Variants in TENM3 observed in about 807,000 individuals in gnomAD.
TENM3 encodes the protein teneurin-3.
Under a neutral mutation model 255.1 loss-of-function variants are expected in TENM3, and 63 were observed. That is an observed-to-expected ratio of 0.25 (90% CI 0.20 to 0.30). The LOEUF is 0.30. Among genes scored for constraint, TENM3 ranks in the 10% least tolerant of loss-of-function variants. TENM3 has a pLI of 1.00. For synonymous variants in TENM3, 1,306 were observed against 1,322.3 expected, an observed-to-expected ratio of 0.99 and a Z score of 0.27; for missense variants, 2,929 against 3,461.1, an observed-to-expected ratio of 0.85 and a Z score of 3.86.
the TENM3 span, among the ~76,000 whole-genome samples, chr4:182,001,038 A>T: frequency 6.7e-6 from 1 of 148,896 alleles, no homozygotes; most frequent in African/African-American, 2.5e-5. Flanking sequence ...CACGGAACAG[A>T]ACAAACCAGA....
chr4:181,762,728 C>G, the TENM3 span, among the ~76,000 whole-genome samples: 1 of 152,160 alleles, frequency 6.6e-6, no homozygotes, highest in Non-Finnish European at 1.5e-5. Flanking sequence ...ATCAAAACTT[C>G]TTATTTACCA....
intron 1 of TENM3, among the ~76,000 whole-genome samples, chr4:182,214,116 TC>T (rs374759238): frequency 4.7e-4 from 71 of 152,284 alleles, no homozygotes; most frequent in African/African-American, 1.6e-3. Flanking sequence ...ATGCAGCTTT[TC>T]TTAAATGAGA....
At chr4:182,002,875 T>A in the TENM3 span, among the ~76,000 whole-genome samples, 1 of 152,096 alleles carries the variant, frequency 6.6e-6, no homozygotes, top group African/African-American at 2.4e-5. Context: ...TACCTTTACC[T>A]TATGTCCTAA....
chr4:182,284,002 G>A (rs1024540991), intron 1 of TENM3, among the ~76,000 whole-genome samples: 1 of 151,918 alleles, frequency 6.6e-6, no homozygotes, highest in South Asian at 2.1e-4. Context: ...GCTACTTTGT[G>A]GTATAATTTT....
At chr4:182,277,245 G>A (rs907260993) in intron 1 of TENM3, among the ~76,000 whole-genome samples, 2 of 152,092 alleles carry the variant, frequency 1.3e-5, no homozygotes, top group African/African-American at 4.8e-5. Context: ...TGCCAGATTA[G>A]ATAGCAATGT....
chr4:181,879,919 TAAAAA>T, the TENM3 span, among the ~76,000 whole-genome samples: 1 of 152,210 alleles, frequency 6.6e-6, no homozygotes, highest in Non-Finnish European at 1.5e-5. Context: ...GATTGGATTT[TAAAAA>T]TAAAATAAGT....
At chr4:181,865,475 T>C in the TENM3 span, among the ~76,000 whole-genome samples, 2 of 152,024 alleles carry the variant, frequency 1.3e-5, no homozygotes, top group African/African-American at 4.8e-5. Flanking sequence ...AGTTTTCTGC[T>C]AAAAAGTTCT....
At chr4:182,029,380 T>G in the TENM3 span, among the ~76,000 whole-genome samples, 1 of 152,172 alleles carries the variant, frequency 6.6e-6, no homozygotes, top group East Asian at 1.9e-4. Flanking sequence ...AGTCCAATGT[T>G]TTCTTTTTGA....
At chr4:182,658,442 A>G (rs1753941504) in intron 6 of TENM3, among the ~76,000 whole-genome samples, 1 of 152,288 alleles carries the variant, frequency 6.6e-6, no homozygotes, top group East Asian at 1.9e-4. Context: ...TCAAATCAGT[A>G]AGTCCAGCCT....
At chr4:181,816,748 G>C in the TENM3 span, among the ~76,000 whole-genome samples, 1 of 152,150 alleles carries the variant, frequency 6.6e-6, no homozygotes, top group Non-Finnish European at 1.5e-5. Flanking sequence ...ACTAGGCCAA[G>C]AAGTCTTGTA....
upstream of TENM3, among the ~76,000 whole-genome samples, chr4:182,241,666 T>C (rs1211549158): frequency 2.0e-5 from 3 of 151,764 alleles, no homozygotes; most frequent in African/African-American, 7.3e-5. Flanking sequence ...TGTGCCACCA[T>C]GCCCAGCTAA....
the TENM3 span, among the ~76,000 whole-genome samples, chr4:182,100,945 G>A: frequency 3.5e-5 from 5 of 141,666 alleles, no homozygotes; most frequent in Non-Finnish European, 7.6e-5. Context: ...TGGGGAGGAT[G>A]AGGCAGGAGA....
intron 19 of TENM3, among the ~76,000 whole-genome samples, chr4:182,750,452 C>A (rs1762292265): frequency 1.3e-5 from 2 of 152,142 alleles, no homozygotes; most frequent in South Asian, 4.1e-4. Context: ...CCTCCTCTAA[C>A]AACATGAGAA....
chr4:182,017,533 A>G, the TENM3 span, among the ~76,000 whole-genome samples: 11 of 152,308 alleles, frequency 7.2e-5, no homozygotes, highest in Admixed American at 2.0e-4. Flanking sequence ...TTTTTTCACA[A>G]TAAACTCTTT....
intron 1 of TENM3, among the ~76,000 whole-genome samples, chr4:182,257,988 T>C (rs180925393): frequency 4.8e-4 from 73 of 152,216 alleles, no homozygotes; most frequent in Middle Eastern, 3.4e-3. Flanking sequence ...GTATCCTGAT[T>C]GAAAAATATT....
the TENM3 span, among the ~76,000 whole-genome samples, chr4:181,770,409 T>C: frequency 6.6e-6 from 1 of 152,078 alleles, no homozygotes; most frequent in Admixed American, 6.5e-5. Flanking sequence ...GCGTGGTGGC[T>C]CACGCCTGTA....
intron 6 of TENM3, among the ~76,000 whole-genome samples, chr4:182,665,622 AC>A (rs1754604108): frequency 6.6e-6 from 1 of 152,132 alleles, no homozygotes; most frequent in South Asian, 2.1e-4. Context: ...GAGGCTGGGC[AC>A]GGTGGCTCAC....
the TENM3 span, among the ~76,000 whole-genome samples, chr4:181,735,559 T>C: frequency 6.6e-6 from 1 of 152,200 alleles, no homozygotes; most frequent in Non-Finnish European, 1.5e-5. Context: ...CCTTTAGACA[T>C]ATATACAATA....
At chr4:181,489,654 T>A in the TENM3 span, among the ~76,000 whole-genome samples, 2 of 152,226 alleles carry the variant, frequency 1.3e-5, 1 homozygote, top group Non-Finnish European at 2.9e-5. Context: ...GATATATGTG[T>A]ACATGCATGT....
Sources: gnomAD v4.1 joint callset for allele counts (sites outside exome capture counted in the v4.1 genomes callset) on GRCh38, gnomAD v4.1.1 for gene constraint, MANE v1.5 for transcripts, NCBI Gene and HGNC (gene_info 2026-07-23, HGNC 2026-07-21) for gene names.